ANGPT2: variants seen among roughly 807,000 people sequenced by gnomAD.
The protein encoded by ANGPT2 is angiopoietin-2.
ANGPT2 carries 28 observed loss-of-function variants against 62.9 expected under a neutral mutation model. That is an observed-to-expected ratio of 0.44 (90% confidence interval 0.33 to 0.61). The LOEUF (loss-of-function observed/expected upper bound fraction) is 0.61, where lower values mean the gene tolerates loss of function less well. Ranked by LOEUF, ANGPT2 falls within the 20% of genes least tolerant of loss-of-function variation. The pLI is 0.03. For missense variants in ANGPT2, 727 were observed against 594.9 expected, an observed-to-expected ratio of 1.22 and a Z score of -2.31; for synonymous variants, 284 against 207.8, an observed-to-expected ratio of 1.37 and a Z score of -3.15.
intron 3 of ANGPT2, among the ~76,000 whole-genome samples, chr8:6,523,682 C>T (rs892473729): frequency 3.3e-5 from 5 of 152,076 alleles, no homozygotes; most frequent in East Asian, 1.9e-4. Context: ...CTCCGCCTCC[C>T]GGATTCAAGC....
At chr8:6,552,407 A>C (rs1184289869) in intron 1 of ANGPT2, among the ~76,000 whole-genome samples, 1 of 152,234 alleles carries the variant, frequency 6.6e-6, no homozygotes, top group Non-Finnish European at 1.5e-5. Flanking sequence ...TTTTACACAC[A>C]CACTTACGAT....
intron 1 of ANGPT2, among the ~76,000 whole-genome samples, chr8:6,562,076 A>T (rs185719455): frequency 5.9e-5 from 9 of 152,340 alleles, no homozygotes; most frequent in Admixed American, 4.6e-4. Flanking sequence ...TAGGGCCCTG[A>T]GATTCTGAGA....
chr8:6,501,785 G>A lies in ANGPT2; in HGVS notation c.*1316C>T, dbSNP rs1266620235. ...TTGTCCAGGCTGGTCTTGAACTCCT[G>A]ACCTCAGGTGATCTGCCCACCTTGC... On this transcript the variant is annotated 3_prime_UTR_variant, in exon 9 of 9. Transcript: ENST00000629816. 1 of 152,010 alleles carries A rather than the reference G, an allele frequency of 6.6e-6. No homozygotes were observed. Among genetic ancestry groups the A allele is most frequent in the East Asian group, 1.9e-4 (1 of 5,190 alleles). The allele number at this position is 152,010 out of a possible 1,614,324, so 9.4% of individuals were successfully genotyped here.
chr8:6,530,852 T>G (rs1313966925), intron 2 of ANGPT2, among the ~76,000 whole-genome samples: 3 of 152,240 alleles, frequency 2.0e-5, no homozygotes, highest in African/African-American at 7.2e-5. Context: ...TGTGTCCTTC[T>G]AGAATGAGTC....
intron 3 of ANGPT2, 67 bp downstream of exon 3, chr8:6,527,488 T>G (rs1433643402): frequency 1.9e-5 from 30 of 1,563,106 alleles, no homozygotes; most frequent in Non-Finnish European, 2.6e-5. Context: ...ATTCATCATT[T>G]GAGACCGACT....
chr8:6,544,581 T>C (rs1424477602), intron 1 of ANGPT2, among the ~76,000 whole-genome samples: 1 of 152,188 alleles, frequency 6.6e-6, no homozygotes, highest in Non-Finnish European at 1.5e-5. Context: ...GTGTCATTCA[T>C]GTATTGGAGG....
At position 6,501,358 on chromosome 8, in the gene ANGPT2, A is replaced by G. The variant is rs1812141257; in HGVS notation, c.*1743T>C. The stretch of plus-strand genomic sequence containing the variant: ...CAGACATATAGTAGATGCTAGTTAC[A>G]GACTGGACTCTGAACTTCCTTGCAA... On this transcript the variant is annotated 3_prime_UTR_variant, in exon 9 of 9. Coordinates refer to ENST00000629816, the MANE Select transcript of ANGPT2 (RefSeq NM_001118887.2). 1.3e-5 allele frequency: 2 copies of G among 152,224 alleles called. No individual in the cohort carries two copies. The highest frequency in any genetic ancestry group is 2.9e-5 in the Non-Finnish European group (2 of 68,032). The allele number at this position is 152,224 out of a possible 1,614,324, so 9.4% of individuals were successfully genotyped here.
intron 1 of ANGPT2, among the ~76,000 whole-genome samples, chr8:6,552,665 G>C (rs1823861335): frequency 6.6e-6 from 1 of 152,128 alleles, no homozygotes; most frequent in Non-Finnish European, 1.5e-5. Context: ...CCCTGTGCTA[G>C]CCATCATCTT....
At chr8:6,515,033 T>A (rs1815979320) in intron 5 of ANGPT2, among the ~76,000 whole-genome samples, 1 of 152,214 alleles carries the variant, frequency 6.6e-6, no homozygotes, top group South Asian at 2.1e-4. Context: ...GACTCACTTG[T>A]CATCATCTGT....
chr8:6,509,470 C>A (rs959807499), intron 7 of ANGPT2, among the ~76,000 whole-genome samples: 4 of 152,122 alleles, frequency 2.6e-5, no homozygotes, highest in Non-Finnish European at 5.9e-5. Flanking sequence ...CCGCAGGGGG[C>A]CCCGGGGGGG....
intron 7 of ANGPT2, among the ~76,000 whole-genome samples, chr8:6,509,857 A>G (rs932757781): frequency 6.6e-6 from 1 of 152,172 alleles, no homozygotes; most frequent in Admixed American, 6.5e-5. Context: ...CGGTGCACGC[A>G]GTGTCTGTTG....
rs184190673 is a variant in ANGPT2 at position 6,532,323 on chromosome 8, A to G, written c.444+9T>C. ...AGGGACACCGTGTGCTTTATGTGGCATTACTTACTTGGGCTTCCACATCAG... is the reference window on the plus strand; with the variant it reads ...AGGGACACCGTGTGCTTTATGTGGCGTTACTTACTTGGGCTTCCACATCAG... On this transcript the variant is annotated intron_variant, in intron 2 of 8. Coordinates refer to ENST00000629816, the MANE Select transcript of ANGPT2 (RefSeq NM_001118887.2). 9.3e-6 allele frequency: 15 copies of G among 1,614,026 alleles called. No individual in the cohort carries two copies. The East Asian group carries it at 2.7e-4, about 29-fold the overall frequency.
At chr8:6,511,121 C>T (rs1022613283) in intron 7 of ANGPT2, among the ~76,000 whole-genome samples, 1 of 152,164 alleles carries the variant, frequency 6.6e-6, no homozygotes, top group African/African-American at 2.4e-5. Flanking sequence ...AAATTATCCC[C>T]AGAGGCAAGA....
At chr8:6,538,128 C>T (rs560031167) in intron 1 of ANGPT2, among the ~76,000 whole-genome samples, 3 of 152,064 alleles carry the variant, frequency 2.0e-5, no homozygotes, top group Non-Finnish European at 2.9e-5. Context: ...CCCAATGATC[C>T]ATCCATCTTC....
In ANGPT2 at chr8:6,527,546, T is replaced by G. The variant is rs116218062; in HGVS notation, c.566+9A>C. 8.5e-4 allele frequency: 1,375 copies of G among 1,611,870 alleles called. 8 individuals carry two copies. In the African/African-American group the frequency reaches 0.017, roughly 20 times the overall value. ...TCCTGAATTATAAATGTTTTAGTAC[T>G]GTTATTACCTGTTCTTATCTTGCAA... is the stretch of plus-strand genomic sequence containing the variant. On this transcript the variant is annotated intron_variant, in intron 3 of 8. Transcript: ENST00000629816.
At chr8:6,503,289 A>C (rs1563300839) in intron 8 of ANGPT2, 28 bp from the exon 9 acceptor site, 1 of 1,613,594 alleles carries the variant, frequency 6.2e-7, no homozygotes, top group South Asian at 1.1e-5. Flanking sequence ...AGAAGGAATT[A>C]GGAACTAGGT....
intron 1 of ANGPT2, among the ~76,000 whole-genome samples, chr8:6,538,606 C>A (rs567455934): frequency 2.0e-5 from 3 of 152,210 alleles, no homozygotes; most frequent in African/African-American, 7.2e-5. Flanking sequence ...CTTTGTATCT[C>A]CTCCTTGAGT....
intron 1 of ANGPT2, among the ~76,000 whole-genome samples, chr8:6,536,417 G>T (rs1820514946): frequency 6.6e-6 from 1 of 150,396 alleles, no homozygotes; most frequent in Non-Finnish European, 1.5e-5. Context: ...GAGCCAAAGT[G>T]ATATATCTCA....
intron 1 of ANGPT2, among the ~76,000 whole-genome samples, chr8:6,557,853 C>G (rs1414791373): frequency 2.0e-5 from 3 of 152,122 alleles, no homozygotes; most frequent in Non-Finnish European, 1.5e-5. Flanking sequence ...TCCTCTAGAT[C>G]TCAACTCAGG....
Sources: gnomAD v4.1 joint callset for allele counts (sites outside exome capture counted in the v4.1 genomes callset) on GRCh38, gnomAD v4.1.1 for gene constraint, MANE v1.5 for transcripts, NCBI Gene and HGNC (gene_info 2026-07-23, HGNC 2026-07-21) for gene names.